Variants in PMS1 observed in about 807,000 individuals in gnomAD.
PMS1 encodes the protein PMS1 protein homolog 1.
Under a neutral mutation model 93.1 loss-of-function variants are expected in PMS1, and 79 were observed. The ratio of observed to expected loss-of-function variants is 0.85; its 90% CI spans 0.71 to 1.02. PMS1 has a LOEUF of 1.02. Ranked by LOEUF, PMS1 falls within the 50% of genes least tolerant of loss-of-function variation. The pLI, the probability that PMS1 is intolerant of heterozygous loss-of-function variation, is 0.00. For missense variants in PMS1, 1,064 were observed against 1,085.3 expected, an observed-to-expected ratio of 0.98 and a Z score of 0.28; for synonymous variants, 335 against 363.4, an observed-to-expected ratio of 0.92 and a Z score of 0.89.
At chr2:189,853,851 A>T in intron 7 of PMS1, 88 bp from the exon 8 acceptor site, 1 of 801,876 alleles carries the variant, frequency 1.2e-6, no homozygotes. Context: ...AGTTGCATCT[A>T]CTCAATTTCT....
intron 3 of PMS1, among the ~76,000 whole-genome samples, chr2:189,803,255 G>C (rs2050052943): frequency 6.6e-6 from 1 of 152,020 alleles, no homozygotes; most frequent in African/African-American, 2.4e-5. Context: ...TATATTCTAA[G>C]TTTTTTCTTT....
chr2:189,875,658 A>G (rs1400758488), intron 12 of PMS1, among the ~76,000 whole-genome samples: 1 of 152,148 alleles, frequency 6.6e-6, no homozygotes, highest in African/African-American at 2.4e-5. Flanking sequence ...TGACAATAAA[A>G]AATTGCAGAG....
intron 4 of PMS1, chr2:189,807,060 T>A (rs1235728176): frequency 2.8e-5 from 5 of 181,176 alleles, no homozygotes; most frequent in Non-Finnish European, 3.5e-5. Context: ...TCAAATGACT[T>A]CTGTCTTCAT....
intron 3 of PMS1, among the ~76,000 whole-genome samples, chr2:189,797,275 T>C (rs1479003099): frequency 6.6e-6 from 1 of 152,224 alleles, no homozygotes; most frequent in African/African-American, 2.4e-5. Context: ...TTAAGAACTT[T>C]ACTCTTCTGA....
At chr2:189,796,717 T>G (rs2049390859) in intron 3 of PMS1, among the ~76,000 whole-genome samples, 1 of 152,242 alleles carries the variant, frequency 6.6e-6, no homozygotes, top group Non-Finnish European at 1.5e-5. Flanking sequence ...TTTTTAAGGC[T>G]GAATAATATT....
chr2:189,867,255 G>C (rs2056746308), intron 10 of PMS1, among the ~76,000 whole-genome samples: 1 of 152,000 alleles, frequency 6.6e-6, no homozygotes, highest in South Asian at 2.1e-4. Flanking sequence ...GGTGATCTTT[G>C]GCTTCCTCAA....
intron 9 of PMS1, chr2:189,855,908 CAT>C (rs1285673614): frequency 2.0e-6 from 2 of 981,502 alleles, no homozygotes; most frequent in Non-Finnish European, 2.6e-6. Flanking sequence ...TACCTCCAAT[CAT>C]ATACAGGTAT....
rs551679287 is a variant in PMS1, at chr2:189,846,080, T to C, written c.699+2000T>C. Among the ~76,000 whole-genome samples the C allele has an allele frequency of 2.0e-5, 3 of 152,188 alleles. No individual in the cohort carries two copies. In the East Asian group the frequency reaches 5.8e-4, roughly 30 times the overall value. On this transcript the variant is annotated intron_variant, in intron 6 of 12. Transcript: ENST00000441310. ...GTAACTTCCACAGAAAGAGGGGACATGAGAGGTAATTTTTCATGTCTGTGG... is the reference window on the plus strand; with the variant it reads ...GTAACTTCCACAGAAAGAGGGGACACGAGAGGTAATTTTTCATGTCTGTGG...
intron 5 of PMS1, among the ~76,000 whole-genome samples, chr2:189,837,181 T>G (rs955476571): frequency 1.3e-5 from 2 of 152,058 alleles, no homozygotes; most frequent in Non-Finnish European, 2.9e-5. Context: ...TTTTTTTCTT[T>G]TTAGGGAGGG....
chr2:189,840,188 C>A (rs1035000322), intron 5 of PMS1, among the ~76,000 whole-genome samples: 1 of 152,054 alleles, frequency 6.6e-6, no homozygotes, highest in African/African-American at 2.4e-5. Context: ...ATCAGGCAGC[C>A]CCCAGAGCCA....
chr2:189,788,076 G>T (rs2048523658), intron 1 of PMS1, among the ~76,000 whole-genome samples: 1 of 152,104 alleles, frequency 6.6e-6, no homozygotes, highest in Non-Finnish European at 1.5e-5. Flanking sequence ...AAAAGATCTT[G>T]GATTTGGCAT....
At position 189,844,050 on chromosome 2, in the gene PMS1, A is replaced by G; in HGVS notation, c.669A>G (p.Glu223=). 6.2e-7 allele frequency: 1 copy of G among 1,613,956 alleles called. No homozygotes were observed. ...VLGTAVMNNM[E]SFQYHSEESQ... ...GGACTGCTGTTATGAACAATATGGA[A>G]TCCTTTCAGTACCACTCTGAAGAAT... Residue 223 remains glutamate, a synonymous_variant, in exon 6 of 13, where the codon GAA becomes GAG. Coordinates refer to ENST00000441310, the MANE Select transcript of PMS1 (RefSeq NM_000534.5).
intron 5 of PMS1, among the ~76,000 whole-genome samples, chr2:189,820,529 CTGAGCT>C (rs1418424664): frequency 1.3e-5 from 2 of 152,068 alleles, no homozygotes; most frequent in Non-Finnish European, 1.5e-5. Context: ...TCTCAAACTT[CTGAGCT>C]TTCAAGCAAT....
intron 4 of PMS1, among the ~76,000 whole-genome samples, chr2:189,811,601 C>T (rs2050853335): frequency 6.6e-6 from 1 of 150,596 alleles, no homozygotes; most frequent in Non-Finnish European, 1.5e-5. Flanking sequence ...TCTTCAACAA[C>T]AAAAAAAACT....
chr2:189,853,965 A>C lies in PMS1; in HGVS notation c.849A>C (p.Lys283Asn), dbSNP rs1419606415. 6.3e-7 allele frequency: 1 copy of C among 1,595,568 alleles called. No homozygotes were observed. Among genetic ancestry groups the C allele is most frequent in the African/African-American group, 1.3e-5 (1 of 74,654 alleles). Residue 283 changes from lysine to asparagine, a missense_variant, in exon 8 of 13, where the codon AAA becomes AAC. By Grantham distance (94) the Lys-to-Asn change is moderately conservative. Coordinates refer to ENST00000441310, the MANE Select transcript of PMS1 (RefSeq NM_000534.5). Reference sequence around the variant, plus strand: ...TAATCCGACATCATTACAATCTGAAATGCCTAAAGGAATCTACTCGTTTGT... The same window carrying C: ...TAATCCGACATCATTACAATCTGAACTGCCTAAAGGAATCTACTCGTTTGT... ...LKLIRHHYNL[K>N]CLKESTRLYP...
At chr2:189,839,888 G>A (rs1167640944) in intron 5 of PMS1, among the ~76,000 whole-genome samples, 1 of 152,024 alleles carries the variant, frequency 6.6e-6, no homozygotes, top group African/African-American at 2.4e-5. Flanking sequence ...ACCAAAATAT[G>A]TTATAGTATG....
chr2:189,843,891 A>C, intron 5 of PMS1, 73 bp from the exon 6 acceptor site: 1 of 1,345,356 alleles, frequency 7.4e-7, no homozygotes, highest in South Asian at 1.2e-5. Flanking sequence ...AAATATAGGA[A>C]TAAAATACTG....
intron 2 of PMS1, among the ~76,000 whole-genome samples, chr2:189,792,533 T>A (rs1044571385): frequency 2.0e-5 from 3 of 151,756 alleles, no homozygotes; most frequent in African/African-American, 4.8e-5. Context: ...ATACATTTTT[T>A]AAAATCTCTT....
At chr2:189,873,454 G>A (rs928824913) in intron 11 of PMS1, 42 bp from the exon 12 acceptor site, 1 of 1,392,624 alleles carries the variant, frequency 7.2e-7, no homozygotes, top group Non-Finnish European at 1.0e-6. Context: ...ACATGTTCTG[G>A]AATATGAACT....
Sources: gnomAD v4.1 joint callset for allele counts (sites outside exome capture counted in the v4.1 genomes callset) on GRCh38, gnomAD v4.1.1 for gene constraint, MANE v1.5 for transcripts, NCBI Gene and HGNC (gene_info 2026-07-23, HGNC 2026-07-21) for gene names.